The following SPATA6 variants were observed in gnomAD, a reference collection of about 807,000 sequenced individuals.
SPATA6 encodes spermatogenesis associated 6.
In SPATA6, 56 loss-of-function variants were observed where a neutral mutation model predicts 65.3. The observed-to-expected ratio is 0.86, with a 90% confidence interval of 0.69 to 1.07. The LOEUF (loss-of-function observed/expected upper bound fraction) is 1.07. SPATA6 is among the 50% of genes least tolerant of loss of function. SPATA6 has a pLI of 0.00. For missense variants in SPATA6, 590 were observed against 594.8 expected (o/e 0.99, Z 0.08); for synonymous variants, 199 against 213.2 (o/e 0.93, Z 0.58).
the SPATA6 span, among the ~76,000 whole-genome samples, chr1:48,288,866 G>A: frequency 6.6e-6 from 1 of 152,240 alleles, no homozygotes; most frequent in Non-Finnish European, 1.5e-5. Context: ...ACTGGGTGGA[G>A]CCCACTGCAG....
At chr1:48,388,511 A>G (rs905044398) in intron 8 of SPATA6, among the ~76,000 whole-genome samples, 1 of 152,214 alleles carries the variant, frequency 6.6e-6, no homozygotes, top group Non-Finnish European at 1.5e-5. Flanking sequence ...AAGTCATGAA[A>G]TCTCAGAAAA....
chr1:48,436,976 C>CT, intron 3 of SPATA6: 1 of 1,611,712 alleles, frequency 6.2e-7, no homozygotes. Flanking sequence ...TCCTCAAAAA[C>CT]TTTCTCTCCT....
At position 48,305,786 on chromosome 1, in the gene SPATA6, C is replaced by A. The variant is rs868555801; in HGVS notation, c.1286+1G>T. ...AGGATATACATATATTTCATTCATA[C>A]CTATACTCGGGGTCACTGTCATAGG... On this transcript the variant is annotated splice_donor_variant, in intron 12 of 12. Coordinates refer to ENST00000371847, the MANE Select transcript of SPATA6 (RefSeq NM_019073.4). LOFTEE classifies it high-confidence loss of function. 4.4e-6 allele frequency: 7 copies of A among 1,604,450 alleles called. No homozygotes were observed. The African/African-American group carries it at 9.4e-5, about 22-fold the overall frequency.
At chr1:48,370,177 T>C (rs971969718) in intron 9 of SPATA6, among the ~76,000 whole-genome samples, 1 of 152,238 alleles carries the variant, frequency 6.6e-6, no homozygotes, top group South Asian at 2.1e-4. Context: ...TCAACAAATA[T>C]TTGTTGTTAG....
At chr1:48,354,271 A>G (rs1411973746) in intron 11 of SPATA6, among the ~76,000 whole-genome samples, 1 of 152,166 alleles carries the variant, frequency 6.6e-6, no homozygotes, top group Non-Finnish European at 1.5e-5. Context: ...TGAAACAAGT[A>G]GAACTCTCCC....
intron 3 of SPATA6, among the ~76,000 whole-genome samples, chr1:48,421,588 T>C (rs1653344993): frequency 6.6e-6 from 1 of 152,068 alleles, no homozygotes; most frequent in Admixed American, 6.5e-5. Context: ...TAAGACATAA[T>C]ATGAAAGTAC....
intron 11 of SPATA6, among the ~76,000 whole-genome samples, chr1:48,322,047 CA>C (rs1343499901): frequency 2.6e-5 from 4 of 151,724 alleles, no homozygotes; most frequent in African/African-American, 9.7e-5. Flanking sequence ...TAAGCGCCTA[CA>C]TTTAAAAAGA....
At chr1:48,442,815 G>A (rs1655650392) in intron 3 of SPATA6, among the ~76,000 whole-genome samples, 2 of 149,566 alleles carry the variant, frequency 1.3e-5, no homozygotes, top group South Asian at 2.1e-4. Flanking sequence ...GGTCTTCTCT[G>A]CAACCCTGTA....
intron 11 of SPATA6, among the ~76,000 whole-genome samples, chr1:48,314,262 C>T (rs1481665256): frequency 6.6e-6 from 1 of 152,144 alleles, no homozygotes; most frequent in Admixed American, 6.6e-5. Context: ...CACACCACAC[C>T]TATTCCAAAA....
intron 9 of SPATA6, among the ~76,000 whole-genome samples, chr1:48,384,533 T>C (rs1161054222): frequency 6.6e-6 from 1 of 151,940 alleles, no homozygotes. Context: ...ATGTAGGACA[T>C]GGACTACAAG....
At chr1:48,274,397 A>G in the SPATA6 span, among the ~76,000 whole-genome samples, 6 of 152,132 alleles carry the variant, frequency 3.9e-5, no homozygotes, top group Non-Finnish European at 8.8e-5. Flanking sequence ...TTGGGGTTTT[A>G]GTCATGCAGT....
Position 48,363,419 on chromosome 1 carries a change from A to C in SPATA6, c.910-3649T>G, listed in dbSNP as rs534824328. Among the ~76,000 whole-genome samples, 9 of 152,208 alleles carry C rather than the reference A, an allele frequency of 5.9e-5. 1 individual carries two copies. In the South Asian group the frequency reaches 1.9e-3, roughly 32 times the overall value. On this transcript the variant is annotated intron_variant, in intron 9 of 12. Coordinates refer to ENST00000371847, the MANE Select transcript of SPATA6 (RefSeq NM_019073.4). ...AGTTCAAATCCCTGCTGTTTATGAG[A>C]CCCTGAGCAAGTCATTTACCCTATT...
intron 9 of SPATA6, among the ~76,000 whole-genome samples, chr1:48,364,961 GA>G (rs1260614772): frequency 6.6e-6 from 1 of 152,146 alleles, no homozygotes; most frequent in Non-Finnish European, 1.5e-5. Context: ...AATCCATCGT[GA>G]ATTAGTTTTT....
chr1:48,463,338 G>T (rs1202088021), intron 1 of SPATA6, among the ~76,000 whole-genome samples: 1 of 152,122 alleles, frequency 6.6e-6, no homozygotes, highest in African/African-American at 2.4e-5. Context: ...GTGTAGGTAT[G>T]TATGTGTATA....
Position 48,369,429 on chromosome 1 carries a change from C to T in SPATA6, c.910-9659G>A, listed in dbSNP as rs184943594. On this transcript the variant is annotated intron_variant, in intron 9 of 12. Coordinates refer to ENST00000371847, the MANE Select transcript of SPATA6 (RefSeq NM_019073.4). ...CTCCTTGAGCTGTGGTGGGCTCCAC[C>T]CAGTTCGAGCTTCCTGGCTCCTTTG... is the stretch of plus-strand genomic sequence containing the variant. 8.6e-3 allele frequency among the ~76,000 whole-genome samples: 1,305 copies of T among 152,298 alleles called. 22 individuals are homozygous for T. The highest frequency in any genetic ancestry group is 0.03 in the African/African-American group (1,264 of 41,558).
chr1:48,355,837 A>G, intron 10 of SPATA6, 68 bp from the exon 11 acceptor site: 2 of 1,218,428 alleles, frequency 1.6e-6, no homozygotes, highest in South Asian at 1.3e-5. Context: ...TATACTATCA[A>G]GTTTTCACAG....
chr1:48,461,133 CTTCTT>C (rs1359113487), intron 1 of SPATA6, among the ~76,000 whole-genome samples: 1 of 152,068 alleles, frequency 6.6e-6, no homozygotes, highest in African/African-American at 2.4e-5. Flanking sequence ...ACATAAATGT[CTTCTT>C]TTGAGAAGTG....
At chr1:48,319,898 T>G (rs1244297273) in intron 11 of SPATA6, among the ~76,000 whole-genome samples, 1 of 152,044 alleles carries the variant, frequency 6.6e-6, no homozygotes, top group Non-Finnish European at 1.5e-5. Flanking sequence ...AGATACCACA[T>G]CCACAGTATG....
intron 9 of SPATA6, among the ~76,000 whole-genome samples, chr1:48,361,594 GT>G (rs1646815239): frequency 6.6e-6 from 1 of 152,102 alleles, no homozygotes; most frequent in Admixed American, 6.6e-5. Flanking sequence ...GCCTTTAAGA[GT>G]TTATGTTATA....
Sources: gnomAD v4.1 joint callset for allele counts (sites outside exome capture counted in the v4.1 genomes callset) on GRCh38, gnomAD v4.1.1 for gene constraint, MANE v1.5 for transcripts, NCBI Gene and HGNC (gene_info 2026-07-23, HGNC 2026-07-21) for gene names.